The following SEMA6D variants were observed in gnomAD, a reference collection of about 807,000 sequenced individuals.
The protein encoded by SEMA6D is semaphorin 6D, also known as semaphorin-6D.
A neutral mutation model predicts 106.6 loss-of-function variants in SEMA6D; 35 were observed. That is an observed-to-expected ratio of 0.33 (90% confidence interval 0.25 to 0.44). The LOEUF (loss-of-function observed/expected upper bound fraction) is 0.44, where lower values mean the gene tolerates loss of function less well. SEMA6D is among the 20% of genes least tolerant of loss of function. The pLI is 1.00. For missense variants in SEMA6D, 1,185 were observed against 1,345.9 expected (o/e 0.88, Z 1.87); for synonymous variants, 499 against 487.7 (o/e 1.02, Z -0.31).
chr15:47,617,439 T>G (rs1442141579), intron 4 of SEMA6D, among the ~76,000 whole-genome samples: 1 of 152,152 alleles, frequency 6.6e-6, no homozygotes, highest in Non-Finnish European at 1.5e-5. Context: ...CAGTAAAAAC[T>G]TCTACTATTT....
At chr15:47,640,874 A>G (rs1479285498) in intron 4 of SEMA6D, among the ~76,000 whole-genome samples, 1 of 151,686 alleles carries the variant, frequency 6.6e-6, no homozygotes, top group Non-Finnish European at 1.5e-5. Flanking sequence ...TTTTTTTTAA[A>G]TCGCTTCTTG....
At chr15:47,380,814 A>G (rs1045908874) in intron 1 of SEMA6D, among the ~76,000 whole-genome samples, 4 of 152,228 alleles carry the variant, frequency 2.6e-5, no homozygotes, top group Admixed American at 6.5e-5. Context: ...AAAGATATCT[A>G]TTGAAATAAC....
At chr15:47,432,813 G>A (rs905277936) in intron 2 of SEMA6D, among the ~76,000 whole-genome samples, 1 of 152,076 alleles carries the variant, frequency 6.6e-6, no homozygotes, top group African/African-American at 2.4e-5. Flanking sequence ...AAAACTAAAA[G>A]TGCAAATGAT....
rs962698987 is a variant in SEMA6D at position 47,773,477 on chromosome 15, C to G, written c.*1692C>G. On this transcript the variant is annotated 3_prime_UTR_variant, in exon 19 of 19. Transcript: ENST00000536845. ...GCACACCACACACTTGTTTAGTGAA[C>G]CAAATCTAGAAAGTACCAAGGCAGA... is the stretch of plus-strand genomic sequence containing the variant. The G allele has an allele frequency of 1.3e-5, 2 of 152,456 alleles. No homozygotes were observed. Among genetic ancestry groups the G allele is most frequent in the African/African-American group, 4.8e-5 (2 of 41,424 alleles). The allele number at this position is 152,456 out of a possible 1,614,324, so 9.4% of individuals were successfully genotyped here.
intron 1 of SEMA6D, among the ~76,000 whole-genome samples, chr15:47,755,414 T>TTC (rs954807838): frequency 6.6e-6 from 1 of 152,166 alleles, no homozygotes; most frequent in South Asian, 2.1e-4. Context: ...TTGTGGTTTT[T>TTC]TCTCTCTCTC....
chr15:47,354,848 G>A (rs1011445903), intron 1 of SEMA6D, among the ~76,000 whole-genome samples: 16 of 152,114 alleles, frequency 1.1e-4, no homozygotes, highest in African/African-American at 2.2e-4. Flanking sequence ...GTGACAAAAC[G>A]AGTTTACTTA....
chr15:47,610,350 A>T (rs1213517974), intron 4 of SEMA6D, among the ~76,000 whole-genome samples: 1 of 152,192 alleles, frequency 6.6e-6, no homozygotes, highest in South Asian at 2.1e-4. Flanking sequence ...CTTCTACTGG[A>T]CCACCACATA....
At chr15:47,655,673 A>T (rs187703991) in intron 4 of SEMA6D, among the ~76,000 whole-genome samples, 1,543 of 152,318 alleles carry the variant, frequency 0.01, 16 homozygotes, top group South Asian at 0.045. Flanking sequence ...AAACCTTACA[A>T]ATTATTAATG....
chr15:47,299,659 T>C (rs970543456), intron 1 of SEMA6D, among the ~76,000 whole-genome samples: 1 of 152,212 alleles, frequency 6.6e-6, no homozygotes, highest in Non-Finnish European at 1.5e-5. Flanking sequence ...AATATGTGTA[T>C]TGTTATTCTT....
intron 1 of SEMA6D, among the ~76,000 whole-genome samples, chr15:47,324,353 G>C (rs1248843822): frequency 6.6e-6 from 1 of 151,946 alleles, no homozygotes; most frequent in Admixed American, 6.6e-5. Flanking sequence ...AGCAAAAATG[G>C]CTTGACCTGT....
intron 3 of SEMA6D, among the ~76,000 whole-genome samples, chr15:47,568,496 A>G (rs2046293533): frequency 6.6e-6 from 1 of 152,216 alleles, no homozygotes; most frequent in Non-Finnish European, 1.5e-5. Flanking sequence ...GGCCCATTAC[A>G]TTACATTACA....
rs534644592 is a variant in SEMA6D at position 47,562,530 on chromosome 15, T to C, written c.-86-38335T>C. On this transcript the variant is annotated intron_variant, in intron 3 of 19. Coordinates refer to the SEMA6D transcript ENST00000558014. Reference sequence around the variant, plus strand: ...CTGAGAAAAATGTATTTGCAAATCATATATCTGGTAAGACTTGAATAGACA... The same window carrying C: ...CTGAGAAAAATGTATTTGCAAATCACATATCTGGTAAGACTTGAATAGACA... 5.9e-5 allele frequency among the ~76,000 whole-genome samples: 9 copies of C among 152,194 alleles called. 1 individual carries two copies. The highest frequency in any genetic ancestry group is 1.9e-4 in the African/African-American group (8 of 41,578).
intron 3 of SEMA6D, among the ~76,000 whole-genome samples, chr15:47,519,836 G>T (rs1052548539): frequency 1.3e-5 from 2 of 152,156 alleles, no homozygotes; most frequent in African/African-American, 4.8e-5. Context: ...TTGATGTGAG[G>T]CCTATGAAGT....
chr15:47,318,313 A>T (rs1227665152), intron 1 of SEMA6D, among the ~76,000 whole-genome samples: 12 of 146,078 alleles, frequency 8.2e-5, no homozygotes, highest in Non-Finnish European at 1.7e-4. Context: ...CATGTGCACA[A>T]TGTGCAGGTT....
At chr15:47,414,459 A>AG (rs2040896767) in intron 2 of SEMA6D, among the ~76,000 whole-genome samples, 1 of 152,194 alleles carries the variant, frequency 6.6e-6, no homozygotes, top group Non-Finnish European at 1.5e-5. Flanking sequence ...AGGAAAAAAA[A>AG]GTAAGAGAAA....
intron 1 of SEMA6D, among the ~76,000 whole-genome samples, chr15:47,743,297 A>G (rs898790867): frequency 7.9e-5 from 12 of 152,198 alleles, no homozygotes; most frequent in African/African-American, 2.9e-4. Flanking sequence ...TGGTGCGTGT[A>G]TGTGTTCATT....
chr15:47,689,979 A>T (rs1447657515), intron 4 of SEMA6D, among the ~76,000 whole-genome samples: 1 of 152,156 alleles, frequency 6.6e-6, no homozygotes, highest in African/African-American at 2.4e-5. Flanking sequence ...TTAGAGCAAA[A>T]TGTTTCCTGG....
At chr15:47,607,502 C>T (rs1260885249) in intron 4 of SEMA6D, among the ~76,000 whole-genome samples, 1 of 152,166 alleles carries the variant, frequency 6.6e-6, no homozygotes, top group Non-Finnish European at 1.5e-5. Context: ...GTGTGTATTT[C>T]CTCTATCACT....
intron 1 of SEMA6D, among the ~76,000 whole-genome samples, chr15:47,354,853 T>A (rs751866129): frequency 5.3e-5 from 8 of 152,160 alleles, no homozygotes; most frequent in Non-Finnish European, 1.0e-4. Context: ...AAAACGAGTT[T>A]ACTTAACAGC....
Sources: gnomAD v4.1 joint callset for allele counts (sites outside exome capture counted in the v4.1 genomes callset) on GRCh38, gnomAD v4.1.1 for gene constraint, MANE v1.5 for transcripts, NCBI Gene and HGNC (gene_info 2026-07-23, HGNC 2026-07-21) for gene names.